Variants in STK32B observed in about 807,000 individuals in gnomAD.
STK32B encodes the protein serine/threonine-protein kinase 32B.
A neutral mutation model predicts 52.6 loss-of-function variants in STK32B; 43 were observed. The observed-to-expected ratio is 0.82, with a 90% CI of 0.64 to 1.05. The LOEUF is 1.05. Ranked by LOEUF, STK32B falls within the 50% of genes least tolerant of loss-of-function variation. The pLI is 0.00. For synonymous variants in STK32B, 238 were observed against 204.3 expected (o/e 1.17, Z -1.41); for missense variants, 621 against 534.6 (o/e 1.16, Z -1.59).
intron 1 of STK32B, among the ~76,000 whole-genome samples, chr4:5,136,687 G>C (rs1279372740): frequency 6.6e-6 from 1 of 152,274 alleles, no homozygotes; most frequent in South Asian, 2.1e-4. Context: ...ACAACCTCAC[G>C]TGACAGTATG....
In STK32B at chr4:5,363,005, T is replaced by C. The variant is rs568704106; in HGVS notation, c.434+31612T>C. Among the ~76,000 whole-genome samples, 28 of 152,242 alleles carry C rather than the reference T, an allele frequency of 1.8e-4. No individual in the cohort carries two copies. In the South Asian group the frequency reaches 2.7e-3, roughly 15 times the overall value. ...CTACCATGACTTCACAGGAAACACA[T>C]TGGAGATCTCAGTGCTTTGCCCTCT... On this transcript the variant is annotated intron_variant, in intron 4 of 11. Transcript: ENST00000282908.
intron 5 of STK32B, among the ~76,000 whole-genome samples, chr4:5,403,347 C>T (rs58577000): frequency 0.21 from 31,554 of 152,084 alleles, 3,494 homozygotes; most frequent in Admixed American, 0.29. Context: ...TTACTCAGAC[C>T]AGTCAATCAT....
At position 5,470,166 on chromosome 4, in the gene STK32B, C is replaced by G. The variant is rs182522343; in HGVS notation, c.1106+2096C>G. Among the ~76,000 whole-genome samples the G allele has an allele frequency of 3.3e-5, 5 of 152,262 alleles. No individual in the cohort carries two copies. The highest frequency in any genetic ancestry group is 4.8e-5 in the African/African-American group (2 of 41,552). On this transcript the variant is annotated intron_variant, in intron 11 of 11. Coordinates refer to ENST00000282908, the MANE Select transcript of STK32B (RefSeq NM_018401.3). The surrounding 1 kb of genome is among the most constrained non-coding windows in gnomAD (Gnocchi z 4.6). ...CCTTCCCTGTGTCATTTAGGAGTTG[C>G]GTCTGCTGCTTTTAGCAGAAACCTC... is the stretch of plus-strand genomic sequence containing the variant.
At chr4:5,495,730 A>G (rs1005718200) in intron 11 of STK32B, among the ~76,000 whole-genome samples, 1 of 151,914 alleles carries the variant, frequency 6.6e-6, no homozygotes, top group African/African-American at 2.4e-5. Flanking sequence ...GTCTTTGATG[A>G]TGGTGATGTA....
At chr4:5,186,426 C>T (rs1353639296) in intron 3 of STK32B, among the ~76,000 whole-genome samples, 2 of 152,148 alleles carry the variant, frequency 1.3e-5, no homozygotes, top group Non-Finnish European at 2.9e-5. Context: ...AAATGCTGTG[C>T]TAGACCCTGG....
At chr4:5,324,872 T>C (rs1262656838) in intron 3 of STK32B, among the ~76,000 whole-genome samples, 3 of 152,202 alleles carry the variant, frequency 2.0e-5, no homozygotes, top group Non-Finnish European at 4.4e-5. Flanking sequence ...GGCTCCCTTA[T>C]GAAATCTTAA....
chr4:5,463,491 CACATAG>C (rs1467235500), intron 9 of STK32B, among the ~76,000 whole-genome samples: 2 of 152,150 alleles, frequency 1.3e-5, no homozygotes, highest in Non-Finnish European at 2.9e-5. Context: ...GTCACACTCA[CACATAG>C]ACACACATGC....
intron 1 of STK32B, among the ~76,000 whole-genome samples, chr4:5,135,959 C>G (rs1345924536): frequency 1.3e-5 from 2 of 151,994 alleles, no homozygotes; most frequent in Admixed American, 6.5e-5. Flanking sequence ...AAGTGCAGTC[C>G]CAGAACCATC....
intron 4 of STK32B, among the ~76,000 whole-genome samples, chr4:5,383,888 T>C (rs1003496795): frequency 6.6e-6 from 1 of 152,180 alleles, no homozygotes; most frequent in East Asian, 1.9e-4. Context: ...TGTCATAGTT[T>C]TATATCCTAA....
chr4:5,446,581 C>T, intron 6 of STK32B, 92 bp from the exon 7 acceptor site: 1 of 733,348 alleles, frequency 1.4e-6, no homozygotes, highest in Non-Finnish European at 2.1e-6. Flanking sequence ...AAAAAAAAAA[C>T]AAGCTCAATT....
At chr4:5,134,461 C>T (rs754341430) in intron 1 of STK32B, among the ~76,000 whole-genome samples, 1 of 152,142 alleles carries the variant, frequency 6.6e-6, no homozygotes, top group East Asian at 1.9e-4. Context: ...AAAGAAGGCC[C>T]TCATCAGATG....
the STK32B span, among the ~76,000 whole-genome samples, chr4:5,022,558 C>A: frequency 1.3e-5 from 2 of 152,204 alleles, no homozygotes; most frequent in African/African-American, 2.4e-5. Context: ...TATTAAAAAT[C>A]CAGGCAGGAA....
In STK32B at chr4:5,499,636, T is replaced by C. The variant is rs1381991122; in HGVS notation, c.*553T>C. The C allele has an allele frequency of 2.2e-5, 1 of 45,742 alleles. No individual in the cohort carries two copies. The highest frequency in any genetic ancestry group is 4.6e-5 in the Non-Finnish European group (1 of 21,812). The allele number at this position is 45,742 out of a possible 1,614,324, so 2.8% of individuals were successfully genotyped here. A position where few individuals can be genotyped will look rare whatever the true frequency, so the allele number is the denominator to read the frequency against. On this transcript the variant is annotated 3_prime_UTR_variant, in exon 12 of 12. Transcript: ENST00000282908. ...CTGAAGTGTCTTCATGTGCATTCTC[T>C]GGCAGGCCACAGTCCTGAGCTTGTA...
At chr4:5,366,615 T>C (rs1015904907) in intron 4 of STK32B, among the ~76,000 whole-genome samples, 1 of 152,202 alleles carries the variant, frequency 6.6e-6, no homozygotes, top group Non-Finnish European at 1.5e-5. Flanking sequence ...GGTGGCCCAG[T>C]CACCCGGCCC....
Position 5,456,882 on chromosome 4 carries a change from T to C in STK32B, c.742T>C (p.Ser248Pro), listed in dbSNP as rs575973493. Residue 248 changes from serine (S) to proline (P), a missense_variant, in exon 8 of 12, where the codon TCC (serine) becomes CCC (proline). Ser to Pro is a moderately conservative substitution (Grantham distance 74). Coordinates refer to ENST00000282908, the MANE Select transcript of STK32B (RefSeq NM_018401.3). ...GTTCAAGGTGGAGCGTGTCCACTACTCCTCCACGTGGTGCAAGGGGATGGT... is the reference window on the plus strand; with the variant it reads ...GTTCAAGGTGGAGCGTGTCCACTACCCCTCCACGTGGTGCAAGGGGATGGT... ...NMFKVERVHY[S>P]STWCKGMVAL... 21 of 1,591,752 alleles carry C rather than the reference T, an allele frequency of 1.3e-5. No homozygotes were observed. In the African/African-American group the frequency reaches 2.7e-4, roughly 20 times the overall value.
intron 1 of STK32B, chr4:5,127,125 CA>C (rs769727245): frequency 2.0e-6 from 1 of 512,390 alleles, no homozygotes; most frequent in Non-Finnish European, 3.9e-6. Context: ...CGAGAATAAA[CA>C]AGCTAGGATC....
At chr4:5,478,565 G>A (rs984823489) in intron 11 of STK32B, among the ~76,000 whole-genome samples, 1 of 152,228 alleles carries the variant, frequency 6.6e-6, no homozygotes, top group Non-Finnish European at 1.5e-5. Context: ...GGAACTGCCA[G>A]TTATATTGAG....
chr4:5,122,374 TC>T (rs1490370077), intron 1 of STK32B, among the ~76,000 whole-genome samples: 2 of 19,078 alleles, frequency 1.0e-4, no homozygotes, highest in African/African-American at 2.2e-4. Flanking sequence ...ACTCATTCAC[TC>T]ATTCATTCAC....
intron 3 of STK32B, among the ~76,000 whole-genome samples, chr4:5,219,557 A>G (rs926103999): frequency 8.5e-5 from 13 of 152,352 alleles, no homozygotes; most frequent in Admixed American, 5.9e-4. Flanking sequence ...CCAGGGTCAC[A>G]CAGCAGTGAG....
Sources: gnomAD v4.1 joint callset for allele counts (sites outside exome capture counted in the v4.1 genomes callset) on GRCh38, gnomAD v4.1.1 for gene constraint, Gnocchi (gnomAD v3.1) non-coding constraint, MANE v1.5 for transcripts, NCBI Gene and HGNC (gene_info 2026-07-23, HGNC 2026-07-21) for gene names.